The following CREB5 variants were observed in gnomAD, a reference collection of about 807,000 sequenced individuals.
CREB5 encodes cyclic AMP-responsive element-binding protein 5.
CREB5 carries 19 observed loss-of-function variants against 57.1 expected under a neutral mutation model. The ratio of observed to expected loss-of-function variants is 0.33; its 90% CI spans 0.23 to 0.49. The LOEUF is 0.49. Ranked by LOEUF, CREB5 falls within the 20% of genes least tolerant of loss-of-function variation. CREB5 has a pLI of 0.99. For synonymous variants in CREB5, 238 were observed against 238.3 expected, an observed-to-expected ratio of 1.00 and a Z score of 0.01; for missense variants, 579 against 671.6, an observed-to-expected ratio of 0.86 and a Z score of 1.52.
At chr7:28,377,572 A>T (rs1786859003) in intron 1 of CREB5, among the ~76,000 whole-genome samples, 1 of 151,948 alleles carries the variant, frequency 6.6e-6, no homozygotes, top group Non-Finnish European at 1.5e-5. Context: ...TTTTTCCCTC[A>T]AACATTTTTA....
At chr7:28,731,423 G>C (rs938723016) in intron 7 of CREB5, among the ~76,000 whole-genome samples, 1 of 152,184 alleles carries the variant, frequency 6.6e-6, no homozygotes, top group Non-Finnish European at 1.5e-5. Context: ...ATTCGATTAT[G>C]TGTCTTGAAA....
intron 4 of CREB5, among the ~76,000 whole-genome samples, chr7:28,566,735 GT>G (rs1387760127): frequency 6.6e-6 from 1 of 152,200 alleles, no homozygotes; most frequent in African/African-American, 2.4e-5. Context: ...TTTCCAAAAT[GT>G]TTTGAAATTA....
At chr7:28,732,269 C>T (rs1207256646) in intron 7 of CREB5, among the ~76,000 whole-genome samples, 5 of 152,136 alleles carry the variant, frequency 3.3e-5, no homozygotes, top group African/African-American at 9.7e-5. Flanking sequence ...TTGGTAACCA[C>T]GGCAACTGGT....
chr7:28,315,787 C>A (rs1375927782), intron 1 of CREB5, among the ~76,000 whole-genome samples: 1 of 152,308 alleles, frequency 6.6e-6, no homozygotes, highest in East Asian at 1.9e-4. Context: ...CATCACCCAG[C>A]TATATATCTT....
At chr7:28,661,246 C>T (rs1184869584) in intron 5 of CREB5, among the ~76,000 whole-genome samples, 1 of 152,166 alleles carries the variant, frequency 6.6e-6, no homozygotes, top group African/African-American at 2.4e-5. Context: ...AGCCCCATTC[C>T]TAGTTGTCCT....
At chr7:28,299,725 A>T (rs1246562188) in intron 1 of CREB5, among the ~76,000 whole-genome samples, 1 of 152,216 alleles carries the variant, frequency 6.6e-6, no homozygotes, top group Non-Finnish European at 1.5e-5. Flanking sequence ...ACTAGCATTG[A>T]TTGTGCAATG....
chr7:28,733,005 G>T (rs985289534), intron 7 of CREB5, among the ~76,000 whole-genome samples: 5 of 152,096 alleles, frequency 3.3e-5, no homozygotes, highest in Non-Finnish European at 7.4e-5. Context: ...TGAATAAGAT[G>T]AATCATTAGC....
At chr7:28,594,103 C>A (rs1796617619) in intron 5 of CREB5, among the ~76,000 whole-genome samples, 1 of 152,330 alleles carries the variant, frequency 6.6e-6, no homozygotes, top group South Asian at 2.1e-4. Context: ...CCTGCCCCCA[C>A]CTCCCAGTGG....
intron 4 of CREB5, among the ~76,000 whole-genome samples, chr7:28,558,257 G>A (rs6963869): frequency 0.083 from 12,602 of 152,202 alleles, 583 homozygotes; most frequent in South Asian, 0.13. Flanking sequence ...AGTTTGGTTG[G>A]AAGTAATGGT....
At chr7:28,509,420 C>T (rs1049668302) in intron 4 of CREB5, among the ~76,000 whole-genome samples, 4 of 152,088 alleles carry the variant, frequency 2.6e-5, no homozygotes, top group African/African-American at 9.7e-5. Flanking sequence ...TATTTTTCTC[C>T]TTATGGACAT....
At chr7:28,323,162 G>A (rs374713988) in intron 1 of CREB5, among the ~76,000 whole-genome samples, 8 of 152,148 alleles carry the variant, frequency 5.3e-5, no homozygotes, top group South Asian at 2.1e-4. Flanking sequence ...TCCCCTCACC[G>A]AACTTGGCTG....
At chr7:28,315,987 G>A (rs930184733) in intron 1 of CREB5, among the ~76,000 whole-genome samples, 37 of 152,252 alleles carry the variant, frequency 2.4e-4, no homozygotes, top group African/African-American at 8.7e-4. Flanking sequence ...CATTTCCTCC[G>A]GGGAGTTTTT....
rs1284411753 is a variant in CREB5 at position 28,819,632 on chromosome 7, T to C, written c.*353T>C. The C allele has an allele frequency of 5.6e-6, 1 of 177,414 alleles. No individual in the cohort carries two copies. Among genetic ancestry groups the C allele is most frequent in the Non-Finnish European group, 1.2e-5 (1 of 83,248 alleles). 11.0% of individuals were successfully genotyped at this position (177,414 alleles called of 1,614,324 possible). A position where few individuals can be genotyped will look rare whatever the true frequency, so the allele number is the denominator to read the frequency against. On this transcript the variant is annotated 3_prime_UTR_variant, in exon 11 of 11. Coordinates refer to ENST00000357727, the MANE Select transcript of CREB5 (RefSeq NM_182898.4). ...ATTGAATCTTGTTAAACCACAGCTT[T>C]TAGCTAAAATGAGGTATACCTAGAT...
At chr7:28,678,573 C>T (rs1562566268) in intron 5 of CREB5, among the ~76,000 whole-genome samples, 1 of 152,142 alleles carries the variant, frequency 6.6e-6, no homozygotes, top group Non-Finnish European at 1.5e-5. Flanking sequence ...GCACCTTTCT[C>T]TCCAGGATTC....
chr7:28,812,529 G>A (rs10951204), intron 9 of CREB5, among the ~76,000 whole-genome samples: 125,358 of 152,140 alleles, frequency 0.82, 52,737 homozygotes, highest in African/African-American at 0.94. Flanking sequence ...CAGAAAAAAA[G>A]ATCCTACTGA....
At chr7:28,451,418 T>A (rs1338303804) in intron 1 of CREB5, among the ~76,000 whole-genome samples, 4 of 151,886 alleles carry the variant, frequency 2.6e-5, no homozygotes, top group Non-Finnish European at 5.9e-5. Flanking sequence ...TCTAGCCACT[T>A]TTCTGGGGTG....
At chr7:28,370,390 ATG>A (rs1299547299) in intron 1 of CREB5, among the ~76,000 whole-genome samples, 2 of 152,176 alleles carry the variant, frequency 1.3e-5, no homozygotes, top group African/African-American at 4.8e-5. Flanking sequence ...GAAATCTTGT[ATG>A]TGAAAGAGCT....
intron 4 of CREB5, among the ~76,000 whole-genome samples, chr7:28,543,273 G>T (rs1794278961): frequency 6.6e-6 from 1 of 152,130 alleles, no homozygotes; most frequent in Non-Finnish European, 1.5e-5. Context: ...CTTCCAAAGT[G>T]CTTCCCCCAC....
In CREB5 at chr7:28,818,766, G is replaced by C. The variant is rs557529878; in HGVS notation, c.1364-350G>C. ...ATTTTCAAATAATTTTTTAGATTGAGCAACACAGATTCTCCCACCACATGT... is the reference window on the plus strand; with the variant it reads ...ATTTTCAAATAATTTTTTAGATTGACCAACACAGATTCTCCCACCACATGT... On this transcript the variant is annotated intron_variant, in intron 10 of 10. Coordinates refer to ENST00000357727, the MANE Select transcript of CREB5 (RefSeq NM_182898.4). The C allele has an allele frequency of 4.2e-5, 20 of 471,716 alleles. No homozygotes were observed. In the East Asian group the frequency reaches 1.3e-3, roughly 31 times the overall value. 29.2% of individuals were successfully genotyped at this position (471,716 alleles called of 1,614,324 possible).
Sources: allele counts gnomAD v4.1 joint callset (sites outside exome capture counted in the v4.1 genomes callset), GRCh38; gene constraint gnomAD v4.1.1; transcripts MANE v1.5; gene names NCBI Gene and HGNC (gene_info 2026-07-23, HGNC 2026-07-21).